ROBO1: variants seen among roughly 807,000 people sequenced by gnomAD.
ROBO1 encodes roundabout guidance receptor 1.
Under a neutral mutation model 195.9 loss-of-function variants are expected in ROBO1, and 149 were observed. The observed-to-expected ratio is 0.76, with a 90% CI of 0.67 to 0.87. The LOEUF (loss-of-function observed/expected upper bound fraction) is 0.87, where lower values mean the gene tolerates loss of function less well. Among genes scored for constraint, ROBO1 ranks in the 40% least tolerant of loss-of-function variants. ROBO1 has a pLI of 0.00. For missense variants in ROBO1, 1,933 were observed against 2,068.3 expected, an observed-to-expected ratio of 0.93 and a Z score of 1.27; for synonymous variants, 816 against 733.2, an observed-to-expected ratio of 1.11 and a Z score of -1.82.
chr3:78,627,088 G>GTTA (rs1704843863), intron 26 of ROBO1, among the ~76,000 whole-genome samples: 1 of 152,114 alleles, frequency 6.6e-6, no homozygotes, highest in Admixed American at 6.6e-5. Context: ...TTGTAAGTGG[G>GTTA]TGAGTATTAA....
intron 18 of ROBO1, among the ~76,000 whole-genome samples, chr3:78,655,126 A>T (rs1354969351): frequency 6.6e-6 from 1 of 151,762 alleles, no homozygotes; most frequent in African/African-American, 2.4e-5. Flanking sequence ...GGTTTTTTTT[A>T]AAAAAAATAT....
intron 4 of ROBO1, among the ~76,000 whole-genome samples, chr3:78,810,111 T>C (rs957022270): frequency 4.6e-5 from 7 of 152,132 alleles, no homozygotes; most frequent in African/African-American, 1.4e-4. Flanking sequence ...GTAAGACATA[T>C]GGTCTTGATT....
chr3:79,411,601 C>T (rs1390845749), intron 2 of ROBO1, among the ~76,000 whole-genome samples: 1 of 152,094 alleles, frequency 6.6e-6, no homozygotes, highest in African/African-American at 2.4e-5. Flanking sequence ...ATTTGAACTT[C>T]ATGTTAAATT....
At chr3:79,204,771 A>G (rs546050433) in intron 2 of ROBO1, among the ~76,000 whole-genome samples, 2 of 152,166 alleles carry the variant, frequency 1.3e-5, no homozygotes, top group Admixed American at 1.3e-4. Context: ...TGTTTTAATT[A>G]GCATGTCTTT....
intron 3 of ROBO1, among the ~76,000 whole-genome samples, chr3:78,958,082 C>A (rs891048382): frequency 6.6e-6 from 1 of 152,006 alleles, no homozygotes; most frequent in Non-Finnish European, 1.5e-5. Flanking sequence ...AATGTTAGGA[C>A]AATATATAAT....
chr3:78,797,263 C>A (rs939156049), intron 4 of ROBO1, among the ~76,000 whole-genome samples: 3 of 152,176 alleles, frequency 2.0e-5, no homozygotes, highest in African/African-American at 7.2e-5. Flanking sequence ...ATATTCCTAA[C>A]TCCTAGTCTA....
intron 3 of ROBO1, among the ~76,000 whole-genome samples, chr3:79,062,103 T>C (rs757519700): frequency 3.3e-5 from 5 of 151,984 alleles, no homozygotes; most frequent in Non-Finnish European, 5.9e-5. Context: ...TCTACCCATC[T>C]CACAAAGGGC....
chr3:79,206,428 G>T (rs752208348), intron 2 of ROBO1, among the ~76,000 whole-genome samples: 2 of 152,118 alleles, frequency 1.3e-5, no homozygotes, highest in Non-Finnish European at 2.9e-5. Context: ...GACTTAAAGA[G>T]AAAAAATATT....
chr3:79,738,075 A>G (rs982378712), intron 1 of ROBO1, among the ~76,000 whole-genome samples: 1 of 152,244 alleles, frequency 6.6e-6, no homozygotes, highest in Non-Finnish European at 1.5e-5. Flanking sequence ...GGGAATGTGT[A>G]AAAGTTTCAC....
intron 2 of ROBO1, among the ~76,000 whole-genome samples, chr3:79,464,376 T>C (rs1259220540): frequency 6.6e-6 from 1 of 152,218 alleles, no homozygotes; most frequent in Non-Finnish European, 1.5e-5. Flanking sequence ...TACTTTAAAT[T>C]TCTACCAGCA....
chr3:79,036,740 T>G (rs2078387224), intron 3 of ROBO1, among the ~76,000 whole-genome samples: 1 of 152,156 alleles, frequency 6.6e-6, no homozygotes, highest in Non-Finnish European at 1.5e-5. Flanking sequence ...TTCGATATTT[T>G]AAGTTGAAGT....
At chr3:79,649,618 G>A (rs1025350384) in intron 1 of ROBO1, among the ~76,000 whole-genome samples, 2 of 152,024 alleles carry the variant, frequency 1.3e-5, no homozygotes. Flanking sequence ...GAATTAATGT[G>A]ATATCTAATT....
intron 2 of ROBO1, among the ~76,000 whole-genome samples, chr3:79,428,806 T>C (rs565324598): frequency 6.6e-6 from 1 of 152,112 alleles, no homozygotes; most frequent in East Asian, 1.9e-4. Flanking sequence ...GAAATAAATA[T>C]TCATACATGC....
At chr3:79,494,960 CTT>C (rs762828652) in intron 2 of ROBO1, among the ~76,000 whole-genome samples, 8 of 152,086 alleles carry the variant, frequency 5.3e-5, no homozygotes, top group Non-Finnish European at 1.2e-4. Flanking sequence ...TATTTCTACA[CTT>C]TGTTTTACTT....
intron 2 of ROBO1, among the ~76,000 whole-genome samples, chr3:79,176,719 C>T (rs1470003107): frequency 6.6e-6 from 1 of 152,134 alleles, no homozygotes; most frequent in Admixed American, 6.5e-5. Context: ...CTCGGCCCCC[C>T]AAAGGGCTGG....
At chr3:79,589,473 T>C (rs989074854) in intron 2 of ROBO1, among the ~76,000 whole-genome samples, 1 of 151,684 alleles carries the variant, frequency 6.6e-6, no homozygotes, top group Non-Finnish European at 1.5e-5. Context: ...GGTACCGACA[T>C]GCACTGTGGC....
rs1402534888 is a variant in ROBO1 at position 78,950,314 on chromosome 3, T to C, written c.173-11387A>G. ...AAGAAAATGCGGCACGTATACACCA[T>C]GGAATACTATGCAACCATAAAAGAT... On this transcript the variant is annotated intron_variant, in intron 3 of 30. Coordinates refer to ENST00000464233, the MANE Select transcript of ROBO1 (RefSeq NM_002941.4). Among the ~76,000 whole-genome samples the C allele has an allele frequency of 3.9e-5, 6 of 151,924 alleles. 1 individual carries two copies. The highest frequency in any genetic ancestry group is 8.8e-5 in the Non-Finnish European group (6 of 67,968).
intron 2 of ROBO1, among the ~76,000 whole-genome samples, chr3:79,305,807 C>G (rs555656054): frequency 6.6e-6 from 1 of 152,186 alleles, no homozygotes; most frequent in South Asian, 2.1e-4. Context: ...ATGAGAACAA[C>G]ACTCAAACTT....
intron 1 of ROBO1, among the ~76,000 whole-genome samples, chr3:79,679,053 T>C (rs1946867548): frequency 6.6e-6 from 1 of 152,066 alleles, no homozygotes. Flanking sequence ...CATATGGATA[T>C]ATAGTCAATA....
Sources: allele counts gnomAD v4.1 joint callset (sites outside exome capture counted in the v4.1 genomes callset), GRCh38; gene constraint gnomAD v4.1.1; transcripts MANE v1.5; gene names NCBI Gene and HGNC (gene_info 2026-07-23, HGNC 2026-07-21).